The following GLIPR1L2 variants were observed in gnomAD, a reference collection of about 807,000 sequenced individuals.
The protein encoded by GLIPR1L2 is GLIPR1 like 2.
GLIPR1L2 carries 21 observed loss-of-function variants against 28.4 expected under a neutral mutation model. That is an observed-to-expected ratio of 0.74 (90% CI 0.52 to 1.06). The LOEUF is 1.06. Ranked by LOEUF, GLIPR1L2 falls within the 50% of genes least tolerant of loss-of-function variation. The pLI, the probability that GLIPR1L2 is intolerant of heterozygous loss-of-function variation, is 0.00. For synonymous variants in GLIPR1L2, 145 were observed against 139.3 expected (o/e 1.04, Z -0.29); for missense variants, 476 against 416.9 (o/e 1.14, Z -1.23).
At chr12:75,400,244 G>A (rs58754797) in intron 1 of GLIPR1L2, among the ~76,000 whole-genome samples, 133 of 151,990 alleles carry the variant, frequency 8.8e-4, no homozygotes, top group African/African-American at 3.0e-3. Flanking sequence ...TCAGCCTCCC[G>A]AGTAGCTGGG....
chr12:75,407,662 G>A (rs1000777664), intron 1 of GLIPR1L2, among the ~76,000 whole-genome samples: 1 of 152,062 alleles, frequency 6.6e-6, no homozygotes, highest in Non-Finnish European at 1.5e-5. Context: ...TTTTTAAATT[G>A]TAGAAAAGTA....
At chr12:75,415,699 T>G (rs932619643) in intron 3 of GLIPR1L2, among the ~76,000 whole-genome samples, 3 of 152,114 alleles carry the variant, frequency 2.0e-5, no homozygotes, top group Non-Finnish European at 4.4e-5. Flanking sequence ...TGTCCTTGTT[T>G]TCTTGCTGGC....
At chr12:75,404,679 A>C (rs2045777510) in intron 1 of GLIPR1L2, among the ~76,000 whole-genome samples, 1 of 152,102 alleles carries the variant, frequency 6.6e-6, no homozygotes, top group Non-Finnish European at 1.5e-5. Context: ...TGAAACAATA[A>C]AACAACAAAT....
At chr12:75,413,312 TTGTGCACA>T (rs1345942049) in intron 2 of GLIPR1L2, among the ~76,000 whole-genome samples, 2 of 151,568 alleles carry the variant, frequency 1.3e-5, no homozygotes, top group African/African-American at 4.9e-5. Flanking sequence ...AACCTGCACA[TTGTGCACA>T]TGTACCCTAA....
At chr12:75,411,407 G>T (rs1389542466) in intron 2 of GLIPR1L2, among the ~76,000 whole-genome samples, 1 of 151,684 alleles carries the variant, frequency 6.6e-6, no homozygotes. Flanking sequence ...GTTTTATGTA[G>T]AACTTAATAC....
At chr12:75,406,085 A>G (rs1389392379) in intron 1 of GLIPR1L2, among the ~76,000 whole-genome samples, 2 of 150,080 alleles carry the variant, frequency 1.3e-5, no homozygotes, top group East Asian at 2.0e-4. Flanking sequence ...TATCAACTTT[A>G]TTATTTTCCT....
At chr12:75,403,043 T>C (rs1311531221) in intron 1 of GLIPR1L2, 1 of 457,102 alleles carries the variant, frequency 2.2e-6, no homozygotes, top group Admixed American at 2.3e-5. Context: ...ACTCCGATGG[T>C]AGCAGATTCA....
At chr12:75,392,313 TCAC>T (rs1238281258) in intron 1 of GLIPR1L2, among the ~76,000 whole-genome samples, 1 of 152,218 alleles carries the variant, frequency 6.6e-6, no homozygotes, top group Non-Finnish European at 1.5e-5. Context: ...TGTTCTGTTT[TCAC>T]CACATCCTCA....
rs2045579048 is a variant in GLIPR1L2 at position 75,391,176 on chromosome 12, AGGG to A, written c.63_65del (p.Gly22del). On this transcript the variant is annotated inframe_deletion, in exon 1 of 6. Transcript: ENST00000550916. ...GGGCCCAGTCCCTACCCCTGGCAGT[AGGG>A]GGCGTTTTGAAGCTGCGGCTCTGTG... 1 of 1,614,030 alleles carries A rather than the reference AGGG, an allele frequency of 6.2e-7. No individual in the cohort carries two copies. The highest frequency in any genetic ancestry group is 1.3e-5 in the African/African-American group (1 of 74,920).
At chr12:75,391,645 T>C in intron 1 of GLIPR1L2, 1 of 744,380 alleles carries the variant, frequency 1.3e-6, no homozygotes, top group Non-Finnish European at 2.1e-6. Context: ...ATGCAACGGG[T>C]TTTTAAAAAT....
At chr12:75,395,842 CTGT>C (rs1157927283) in intron 1 of GLIPR1L2, among the ~76,000 whole-genome samples, 2 of 151,784 alleles carry the variant, frequency 1.3e-5, no homozygotes, top group South Asian at 2.1e-4. Flanking sequence ...TTGATTTTCT[CTGT>C]TGTTTTTCTG....
At chr12:75,416,148 T>C (rs2045921334) in intron 3 of GLIPR1L2, among the ~76,000 whole-genome samples, 1 of 152,092 alleles carries the variant, frequency 6.6e-6, no homozygotes, top group Admixed American at 6.6e-5. Context: ...TTGAATAAAA[T>C]AATCAAGCAA....
intron 4 of GLIPR1L2, 177 bp downstream of exon 4, chr12:75,423,166 G>T: frequency 6.8e-7 from 1 of 1,466,218 alleles, no homozygotes; most frequent in Non-Finnish European, 9.0e-7. Flanking sequence ...CTAAACTGCA[G>T]AGCTTTTTCT....
chr12:75,392,091 ATAAC>A (rs2045619296), intron 1 of GLIPR1L2, among the ~76,000 whole-genome samples: 1 of 152,214 alleles, frequency 6.6e-6, no homozygotes, highest in East Asian at 1.9e-4. Flanking sequence ...CGGCAAATAA[ATAAC>A]TGTCCTCTTA....
At chr12:75,406,680 C>G (rs761876306) in intron 1 of GLIPR1L2, among the ~76,000 whole-genome samples, 6 of 151,066 alleles carry the variant, frequency 4.0e-5, no homozygotes, top group Non-Finnish European at 8.8e-5. Context: ...ATCAGTTGAG[C>G]CCGGGAGTTT....
At chr12:75,420,979 A>G (rs2045970656) in intron 3 of GLIPR1L2, among the ~76,000 whole-genome samples, 1 of 152,160 alleles carries the variant, frequency 6.6e-6, no homozygotes, top group Admixed American at 6.5e-5. Context: ...TTTCCACACT[A>G]CAGATATCAG....
chr12:75,425,673 C>T (rs1594031819), intron 4 of GLIPR1L2, among the ~76,000 whole-genome samples: 1 of 152,148 alleles, frequency 6.6e-6, no homozygotes, highest in African/African-American at 2.4e-5. Context: ...TCAAATGTAA[C>T]CTGACATCAC....
rs189587117 is a variant in GLIPR1L2, at chr12:75,397,480, T to C, written c.234+6130T>C. Among the ~76,000 whole-genome samples the C allele has an allele frequency of 1.1e-3, 170 of 152,138 alleles. 1 individual carries two copies. The highest frequency in any genetic ancestry group is 3.9e-3 in the African/African-American group (162 of 41,532). ...ATCCTATGCTTATTTTCAGCAGAGA[T>C]TGTGTGTGTGTGAAAGAGTCCCATA... is the stretch of plus-strand genomic sequence containing the variant. On this transcript the variant is annotated intron_variant, in intron 1 of 5. Transcript: ENST00000550916.
At chr12:75,426,485 C>T (rs996494321) in intron 4 of GLIPR1L2, among the ~76,000 whole-genome samples, 1 of 152,202 alleles carries the variant, frequency 6.6e-6, no homozygotes. Flanking sequence ...TCACATTGAT[C>T]CATCTTACCT....
Sources: allele counts gnomAD v4.1 joint callset (sites outside exome capture counted in the v4.1 genomes callset), GRCh38; gene constraint gnomAD v4.1.1; transcripts MANE v1.5; gene names NCBI Gene and HGNC (gene_info 2026-07-23, HGNC 2026-07-21).